Variants in FAM185A observed in about 807,000 individuals in gnomAD.
The protein encoded by FAM185A is protein FAM185A.
Under a neutral mutation model 45.7 loss-of-function variants are expected in FAM185A, and 21 were observed. The observed-to-expected ratio is 0.46, with a 90% CI of 0.33 to 0.66. The LOEUF (loss-of-function observed/expected upper bound fraction) is 0.66, where lower values mean the gene tolerates loss of function less well. Ranked by LOEUF, FAM185A falls within the 30% of genes least tolerant of loss-of-function variation. FAM185A has a pLI of 0.03. For synonymous variants in FAM185A, 117 were observed against 194.0 expected, an observed-to-expected ratio of 0.60 and a Z score of 3.30; for missense variants, 305 against 485.4, an observed-to-expected ratio of 0.63 and a Z score of 3.49.
At chr7:102,813,453 A>G, downstream of FAM185A, 1 of 1,614,182 alleles carries the variant, frequency 6.2e-7, no homozygotes. Flanking sequence ...CTTCCCTATC[A>G]TAGCCAAACC....
Position 102,751,817 on chromosome 7 carries a change from A to G in FAM185A, c.561+16A>G, listed in dbSNP as rs191622148. On this transcript the variant is annotated intron_variant, in intron 2 of 7. Transcript: ENST00000413034. ...GTCTGTTAAGGTATAGCATTTTTCT[A>G]ATTTTATTTCACTATTATTTTTTTA... 4.8e-3 allele frequency: 7,088 copies of G among 1,470,750 alleles called. 272 individuals are homozygous for G. The African/African-American group carries it at 0.091, about 19-fold the overall frequency. The allele number at this position is 1,470,750 out of a possible 1,614,324, so 91.1% of individuals were successfully genotyped here.
At chr7:102,785,736 G>T (rs553168926) in intron 6 of FAM185A, among the ~76,000 whole-genome samples, 1 of 151,914 alleles carries the variant, frequency 6.6e-6, no homozygotes, top group Admixed American at 6.6e-5. Flanking sequence ...CCTAGAAGAA[G>T]ACCTAGGCAA....
At position 102,787,453 on chromosome 7, in the gene FAM185A, T is replaced by A; in HGVS notation, c.1050T>A (p.Asp350Glu). Residue 350 changes from aspartate (D) to glutamate (E), a missense_variant, in exon 7 of 8, where the codon GAT becomes GAA. Around this residue, in one of 5 missense-constraint regions of FAM185A, gnomAD observed 66 missense variants for 74.6 expected, o/e 0.89. Transcript: ENST00000413034. ...VQEMAEVRKD[D>E]VVTVTGLMNQ... Reference sequence around the variant, plus strand: ...AAATGGCTGAAGTTCGTAAAGATGATGTTGTAACAGTGACTGGTAAGGAGG... The same window carrying A: ...AAATGGCTGAAGTTCGTAAAGATGAAGTTGTAACAGTGACTGGTAAGGAGG... The A allele has an allele frequency of 1.3e-6, 2 of 1,530,606 alleles. No homozygotes were observed. The highest frequency in any genetic ancestry group is 1.8e-6 in the Non-Finnish European group (2 of 1,131,842). The allele number at this position is 1,530,606 out of a possible 1,614,324, so 94.8% of individuals were successfully genotyped here. A position where few individuals can be genotyped will look rare whatever the true frequency, so the allele number is the denominator to read the frequency against.
chr7:102,844,222 T>G, the FAM185A span, among the ~76,000 whole-genome samples: 3 of 152,220 alleles, frequency 2.0e-5, no homozygotes, highest in Non-Finnish European at 4.4e-5. Flanking sequence ...CATTTATTAA[T>G]TATCTTTTAT....
the FAM185A span, among the ~76,000 whole-genome samples, chr7:102,818,589 A>G: frequency 2.6e-5 from 4 of 152,138 alleles, no homozygotes; most frequent in African/African-American, 9.7e-5. Context: ...ATCAACACAG[A>G]TCTCCTAGAA....
At chr7:102,832,695 A>G in the FAM185A span, 2 of 996,388 alleles carry the variant, frequency 2.0e-6, no homozygotes, top group Admixed American at 6.0e-5. Flanking sequence ...GCTATTTCCA[A>G]TTTGAGGATA....
intron 6 of FAM185A, among the ~76,000 whole-genome samples, chr7:102,785,783 G>A (rs542233741): frequency 6.6e-6 from 1 of 152,056 alleles, no homozygotes; most frequent in Non-Finnish European, 1.5e-5. Context: ...AGGACTTCAT[G>A]TCTAAAACAC....
chr7:102,808,008 C>T (rs56146438), intron 7 of FAM185A, among the ~76,000 whole-genome samples: 27,146 of 152,124 alleles, frequency 0.18, 2,489 homozygotes, highest in Middle Eastern at 0.27. Flanking sequence ...CTGCAGTGAG[C>T]CGAGATCGTG....
chr7:102,799,796 C>G (rs1370479656), intron 7 of FAM185A, among the ~76,000 whole-genome samples: 2 of 152,128 alleles, frequency 1.3e-5, no homozygotes, highest in Non-Finnish European at 2.9e-5. Context: ...CACTTGAACT[C>G]TCAGATGGCT....
intron 2 of FAM185A, 75 bp from the exon 3 acceptor site, chr7:102,757,779 A>T: frequency 8.0e-7 from 1 of 1,245,174 alleles, no homozygotes; most frequent in Non-Finnish European, 1.1e-6. Context: ...ATACAGAAAT[A>T]TTGAAAATGT....
chr7:102,771,822 C>A (rs2539291), intron 4 of FAM185A, among the ~76,000 whole-genome samples: 2 of 152,112 alleles, frequency 1.3e-5, no homozygotes, highest in Non-Finnish European at 1.5e-5. Flanking sequence ...AATATTCCAT[C>A]CTTATCATGG....
chr7:102,767,971 T>A (rs1794513131), intron 4 of FAM185A, among the ~76,000 whole-genome samples: 2 of 141,862 alleles, frequency 1.4e-5, no homozygotes, highest in East Asian at 3.9e-4. Context: ...TTTTATCTCC[T>A]AAATATTTTT....
At chr7:102,818,415 G>A in the FAM185A span, among the ~76,000 whole-genome samples, 5 of 152,124 alleles carry the variant, frequency 3.3e-5, no homozygotes, top group African/African-American at 9.7e-5. Context: ...GTATTTGTGA[G>A]GCAATATCTG....
chr7:102,794,535 A>G (rs1165933774), intron 7 of FAM185A, among the ~76,000 whole-genome samples: 4 of 152,174 alleles, frequency 2.6e-5, no homozygotes, highest in African/African-American at 7.2e-5. Flanking sequence ...GAGAAACTGG[A>G]TCTCTTCTAC....
At chr7:102,762,230 G>A (rs1294800210) in intron 4 of FAM185A, among the ~76,000 whole-genome samples, 2 of 152,070 alleles carry the variant, frequency 1.3e-5, no homozygotes, top group African/African-American at 4.8e-5. Flanking sequence ...ATATCCTCTT[G>A]TGGTTTCTAA....
chr7:102,755,009 T>C (rs1793616669), intron 2 of FAM185A: 1 of 327,516 alleles, frequency 3.1e-6, no homozygotes, highest in Non-Finnish European at 5.4e-6. Context: ...CTTAGACCTC[T>C]TAGAAAATCT....
intron 4 of FAM185A, among the ~76,000 whole-genome samples, chr7:102,763,753 G>T (rs1208580093): frequency 6.6e-6 from 1 of 152,220 alleles, no homozygotes; most frequent in Non-Finnish European, 1.5e-5. Flanking sequence ...AAGCCCTTCA[G>T]TTATGATGTG....
the FAM185A span, among the ~76,000 whole-genome samples, chr7:102,849,449 G>C: frequency 6.6e-6 from 1 of 152,064 alleles, no homozygotes; most frequent in East Asian, 1.9e-4. Context: ...AACCTAACCA[G>C]GGTAAAAAAT....
chr7:102,768,988 A>G (rs1295479954), intron 4 of FAM185A, among the ~76,000 whole-genome samples: 1 of 152,208 alleles, frequency 6.6e-6, no homozygotes, highest in Non-Finnish European at 1.5e-5. Context: ...TATACTTTTA[A>G]ATATACTACT....
Sources: allele counts gnomAD v4.1 joint callset (sites outside exome capture counted in the v4.1 genomes callset), GRCh38; gene constraint gnomAD v4.1.1; regional missense constraint gnomAD v4.1.1; transcripts MANE v1.5; gene names NCBI Gene and HGNC (gene_info 2026-07-23, HGNC 2026-07-21).